Variants in PSTPIP2 observed in about 807,000 individuals in gnomAD.
PSTPIP2 encodes the protein proline-serine-threonine phosphatase-interacting protein 2.
A neutral mutation model predicts 63.3 loss-of-function variants in PSTPIP2; 33 were observed. That is an observed-to-expected ratio of 0.52 (90% CI 0.40 to 0.70). The LOEUF is 0.70. Among genes scored for constraint, PSTPIP2 ranks in the 30% least tolerant of loss-of-function variants. The pLI is 0.00. For synonymous variants in PSTPIP2, 125 were observed against 132.7 expected, an observed-to-expected ratio of 0.94 and a Z score of 0.40; for missense variants, 312 against 400.7, an observed-to-expected ratio of 0.78 and a Z score of 1.89.
chr18:45,993,989 T>G, intron 9 of PSTPIP2: 1 of 385,090 alleles, frequency 2.6e-6, no homozygotes. Flanking sequence ...TACCGACATT[T>G]CCAACTATCT....
At chr18:45,988,625 A>G (rs888682751) in intron 14 of PSTPIP2, 77 bp downstream of exon 14, 76 of 1,288,604 alleles carry the variant, frequency 5.9e-5, no homozygotes, top group Non-Finnish European at 8.0e-5. Flanking sequence ...TAGTGTTATA[A>G]ATAAGGTTCA....
At position 45,992,215 on chromosome 18, in the gene PSTPIP2, G is replaced by GAA; in HGVS notation, c.742-14_742-13insTT. 6.4e-7 allele frequency: 1 copy of GAA among 1,562,584 alleles called. No individual in the cohort carries two copies. The highest frequency in any genetic ancestry group is 8.7e-7 in the Non-Finnish European group (1 of 1,150,108). ...CTTGTTCGTACATCTAATAAAAAAAGGTCAATTAATAGGTAGAGGTATGTT... is the reference window on the plus strand; with the variant it reads ...CTTGTTCGTACATCTAATAAAAAAAGAAGTCAATTAATAGGTAGAGGTATGTT... On this transcript the variant is annotated splice_polypyrimidine_tract_variant and intron_variant, in intron 10 of 14. Transcript: ENST00000409746.
intron 1 of PSTPIP2, among the ~76,000 whole-genome samples, chr18:46,062,017 C>A (rs1909009653): frequency 6.6e-6 from 1 of 152,134 alleles, no homozygotes; most frequent in Non-Finnish European, 1.5e-5. Flanking sequence ...CACTATAGGG[C>A]AAGTGTAAAG....
At chr18:46,027,917 T>G (rs963637277) in intron 2 of PSTPIP2, among the ~76,000 whole-genome samples, 1 of 152,140 alleles carries the variant, frequency 6.6e-6, no homozygotes, top group Non-Finnish European at 1.5e-5. Flanking sequence ...TCACAGCACT[T>G]TGGGAGGCCA....
chr18:45,987,329 T>C (rs61066139), intron 14 of PSTPIP2, among the ~76,000 whole-genome samples: 36,600 of 151,824 alleles, frequency 0.24, 6,310 homozygotes, highest in African/African-American at 0.48. Context: ...GGTTGATAAA[T>C]GACAGTATAT....
At chr18:46,047,984 C>A (rs1209487160) in intron 1 of PSTPIP2, among the ~76,000 whole-genome samples, 1 of 152,184 alleles carries the variant, frequency 6.6e-6, no homozygotes, top group African/African-American at 2.4e-5. Flanking sequence ...TAAATAAGAG[C>A]CCCTAAAGAT....
chr18:46,011,150 G>A, intron 5 of PSTPIP2, 31 bp downstream of exon 5: 1 of 1,561,470 alleles, frequency 6.4e-7, no homozygotes, highest in East Asian at 2.2e-5. Context: ...TAGGAGGAAA[G>A]GAAACACCTT....
At chr18:46,015,504 A>C (rs779094248) in intron 4 of PSTPIP2, among the ~76,000 whole-genome samples, 37 of 152,132 alleles carry the variant, frequency 2.4e-4, no homozygotes, top group Admixed American at 7.2e-4. Flanking sequence ...CTCTGAGGCA[A>C]CCATTCTCCC....
chr18:45,988,686 A>G lies in PSTPIP2; in HGVS notation c.*8+16T>C. ...TCTACACATGACTCAATTATGTGAA[A>G]AATAAAGGTTCTTACCATTGATTTT... On this transcript the variant is annotated intron_variant, in intron 14 of 14. Coordinates refer to ENST00000409746, the MANE Select transcript of PSTPIP2 (RefSeq NM_024430.4). The G allele has an allele frequency of 6.5e-7, 1 of 1,529,334 alleles. No individual in the cohort carries two copies. Among genetic ancestry groups the G allele is most frequent in the East Asian group, 2.3e-5 (1 of 44,444 alleles). 94.7% of individuals were successfully genotyped at this position (1,529,334 alleles called of 1,614,324 possible).
intron 2 of PSTPIP2, chr18:46,028,973 C>A: frequency 2.9e-6 from 3 of 1,019,958 alleles, no homozygotes; most frequent in Admixed American, 1.7e-5. Context: ...CAGATCTCAT[C>A]TGTGCAGTTC....
chr18:45,992,290 C>T, intron 10 of PSTPIP2, 88 bp from the exon 11 acceptor site: 1 of 1,124,190 alleles, frequency 8.9e-7, no homozygotes. Flanking sequence ...AGGCGGGGCG[C>T]AGTGGCTCAT....
At chr18:46,024,859 GATCGATGGCCCTC>G (rs1461367062) in intron 2 of PSTPIP2, among the ~76,000 whole-genome samples, 173 bp from the exon 3 acceptor site, 1 of 152,180 alleles carries the variant, frequency 6.6e-6, no homozygotes. Flanking sequence ...ACTGTAAAAA[GATCGATGGCCCTC>G]ATCTCTATGG....
In PSTPIP2 at chr18:45,984,789, TG is replaced by T. The variant is rs1482673237; in HGVS notation, c.*669del. 2.6e-5 allele frequency: 4 copies of T among 152,268 alleles called. No homozygotes were observed. Among genetic ancestry groups the T allele is most frequent in the African/African-American group, 9.6e-5 (4 of 41,468 alleles). The allele number at this position is 152,268 out of a possible 1,614,324, so 9.4% of individuals were successfully genotyped here. On this transcript the variant is annotated 3_prime_UTR_variant, in exon 15 of 15. Transcript: ENST00000409746. ...GTGATTCTCCCAACTGAAAAAGTGC[TG>T]GCAAAAATATTTGGCATCTTAAATT...
chr18:46,066,860 T>C (rs1012787263), intron 1 of PSTPIP2, among the ~76,000 whole-genome samples: 22 of 152,134 alleles, frequency 1.4e-4, no homozygotes, highest in African/African-American at 5.1e-4. Context: ...CCCCCGTCTC[T>C]ACTAAAAATA....
At chr18:46,058,767 G>A (rs1449311400) in intron 1 of PSTPIP2, among the ~76,000 whole-genome samples, 3 of 152,166 alleles carry the variant, frequency 2.0e-5, no homozygotes, top group Non-Finnish European at 2.9e-5. Context: ...GAGAGGTCTC[G>A]CTGCAAGATA....
At chr18:46,036,963 T>A (rs1437647856) in intron 2 of PSTPIP2, among the ~76,000 whole-genome samples, 2 of 152,186 alleles carry the variant, frequency 1.3e-5, no homozygotes, top group Non-Finnish European at 2.9e-5. Context: ...GTGGTATAAA[T>A]GTATGTGTAT....
At chr18:46,039,768 T>C (rs1455748458) in intron 2 of PSTPIP2, among the ~76,000 whole-genome samples, 179 bp downstream of exon 2, 1 of 152,230 alleles carries the variant, frequency 6.6e-6, no homozygotes, top group African/African-American at 2.4e-5. Flanking sequence ...TGTGTCAAAC[T>C]TGTTTCTAAG....
At chr18:46,066,888 G>C (rs987198429) in intron 1 of PSTPIP2, among the ~76,000 whole-genome samples, 1 of 152,090 alleles carries the variant, frequency 6.6e-6, no homozygotes, top group African/African-American at 2.4e-5. Flanking sequence ...TTAGCCGGGC[G>C]TGGTGGCGCA....
At chr18:45,998,373 C>T (rs1599701261) in intron 8 of PSTPIP2, among the ~76,000 whole-genome samples, 1 of 152,322 alleles carries the variant, frequency 6.6e-6, no homozygotes, top group African/African-American at 2.4e-5. Context: ...TGCAGCTTGG[C>T]TGTTTCACAG....
Sources: gnomAD v4.1 joint callset for allele counts (sites outside exome capture counted in the v4.1 genomes callset) on GRCh38, gnomAD v4.1.1 for gene constraint, MANE v1.5 for transcripts, NCBI Gene and HGNC (gene_info 2026-07-23, HGNC 2026-07-21) for gene names.